RALYL: variants seen among roughly 807,000 people sequenced by gnomAD.
The protein encoded by RALYL is RALY RNA binding protein like, also known as RNA-binding Raly-like protein.
Under a neutral mutation model 35.1 loss-of-function variants are expected in RALYL, and 29 were observed. The observed-to-expected ratio is 0.83, with a 90% confidence interval of 0.61 to 1.13. The LOEUF (loss-of-function observed/expected upper bound fraction) is 1.13. Ranked by LOEUF, RALYL falls within the 50% of genes most tolerant of loss-of-function variation. The pLI, the probability that RALYL is intolerant of heterozygous loss-of-function variation, is 0.00. For synonymous variants in RALYL, 120 were observed against 127.6 expected, an observed-to-expected ratio of 0.94 and a Z score of 0.40; for missense variants, 359 against 360.4, an observed-to-expected ratio of 1.00 and a Z score of 0.03.
intron 1 of RALYL, among the ~76,000 whole-genome samples, chr8:84,516,173 C>T (rs1346113806): frequency 2.0e-5 from 3 of 151,928 alleles, no homozygotes; most frequent in Non-Finnish European, 4.4e-5. Flanking sequence ...TTAATGAACT[C>T]AGCAATAATT....
chr8:84,307,274 G>GT (rs2132460368), intron 1 of RALYL, among the ~76,000 whole-genome samples: 1 of 152,090 alleles, frequency 6.6e-6, no homozygotes, highest in East Asian at 1.9e-4. Flanking sequence ...CTTCACCCTG[G>GT]TTCATAGCAT....
intron 2 of RALYL, among the ~76,000 whole-genome samples, chr8:84,721,170 G>T (rs2132638000): frequency 6.6e-6 from 1 of 151,450 alleles, no homozygotes; most frequent in South Asian, 2.1e-4. Context: ...GAGTTCAAGG[G>T]AAGCCTGGGC....
intron 2 of RALYL, among the ~76,000 whole-genome samples, chr8:84,580,809 T>A (rs1472141704): frequency 5.9e-5 from 9 of 152,284 alleles, no homozygotes; most frequent in Non-Finnish European, 1.2e-4. Flanking sequence ...AAAATCACCA[T>A]TTTATTATGC....
In RALYL at chr8:84,183,338, T is replaced by G. The variant is rs1172957170; in HGVS notation, c.-1110T>G. On this transcript the variant is annotated 5_prime_UTR_variant, in exon 1 of 9. Coordinates refer to ENST00000521268, the MANE Select transcript of RALYL (RefSeq NM_173848.7). ...GCTGCCGCCACTGGTGTTGCCGCTC[T>G]CAGGCGCCAGGCTCCCCGTCGCCGC... 2.6e-5 allele frequency: 4 copies of G among 154,380 alleles called. No individual in the cohort carries two copies. Among genetic ancestry groups the G allele is most frequent in the Non-Finnish European group, 4.3e-5 (3 of 69,192 alleles). 9.6% of individuals were successfully genotyped at this position (154,380 alleles called of 1,614,324 possible). A position where few individuals can be genotyped will look rare whatever the true frequency, so the allele number is the denominator to read the frequency against.
chr8:84,209,464 G>A lies in RALYL; in HGVS notation c.-24+25040G>A, dbSNP rs147788263. ...TTCCTTTTGTTGGAAAGAAAATGGG[G>A]ATGGGAACATCTAACTCTAATTGTT... On this transcript the variant is annotated intron_variant, in intron 1 of 8. Coordinates refer to ENST00000521268, the MANE Select transcript of RALYL (RefSeq NM_173848.7). 1.2e-3 allele frequency among the ~76,000 whole-genome samples: 176 copies of A among 152,296 alleles called. 1 individual carries two copies. The highest frequency in any genetic ancestry group is 3.4e-3 in the Middle Eastern group (1 of 294).
intron 1 of RALYL, among the ~76,000 whole-genome samples, chr8:84,512,315 G>A (rs1342925788): frequency 2.6e-5 from 4 of 151,738 alleles, no homozygotes; most frequent in Admixed American, 2.6e-4. Flanking sequence ...GATGTTGAAT[G>A]TTTTTCATAT....
chr8:84,794,985 C>T (rs924852148), intron 3 of RALYL, among the ~76,000 whole-genome samples: 2 of 152,208 alleles, frequency 1.3e-5, no homozygotes, highest in East Asian at 1.9e-4. Flanking sequence ...ATCCATTAAC[C>T]TGTCCCTGGA....
chr8:84,562,279 G>A (rs1437401089), intron 2 of RALYL, among the ~76,000 whole-genome samples: 1 of 151,876 alleles, frequency 6.6e-6, no homozygotes, highest in Non-Finnish European at 1.5e-5. Context: ...CATAAAGAGA[G>A]TGAACTGTAG....
At chr8:84,279,936 G>A (rs1353917953) in intron 1 of RALYL, among the ~76,000 whole-genome samples, 2 of 152,144 alleles carry the variant, frequency 1.3e-5, no homozygotes, top group African/African-American at 4.8e-5. Flanking sequence ...GGTTCTTGGG[G>A]TGAGGATGTG....
chr8:84,835,567 C>A (rs1474625967), intron 4 of RALYL, among the ~76,000 whole-genome samples: 1 of 148,328 alleles, frequency 6.7e-6, no homozygotes, highest in African/African-American at 2.5e-5. Context: ...CCTGTAATCC[C>A]AGCTACTCGG....
At chr8:84,907,650 T>G (rs145015717) in intron 8 of RALYL, among the ~76,000 whole-genome samples, 219 of 152,206 alleles carry the variant, frequency 1.4e-3, no homozygotes, top group African/African-American at 5.1e-3. Flanking sequence ...TCCACAAATT[T>G]TATTAATTTT....
At chr8:84,728,003 T>A (rs1333646377) in intron 2 of RALYL, among the ~76,000 whole-genome samples, 1 of 151,892 alleles carries the variant, frequency 6.6e-6, no homozygotes, top group African/African-American at 2.4e-5. Flanking sequence ...ATGGGATGGC[T>A]GGGTCAAATG....
At chr8:84,615,516 T>C in intron 2 of RALYL, among the ~76,000 whole-genome samples, 1 of 149,138 alleles carries the variant, frequency 6.7e-6, no homozygotes, top group Non-Finnish European at 1.5e-5. Context: ...TTAAACAGTG[T>C]ACTACAAATA....
At chr8:84,466,514 G>C (rs917849110) in intron 1 of RALYL, among the ~76,000 whole-genome samples, 2 of 151,508 alleles carry the variant, frequency 1.3e-5, no homozygotes, top group African/African-American at 4.9e-5. Flanking sequence ...TGGTGGATAA[G>C]CTTTTTGATG....
chr8:84,810,056 T>C (rs1010592112), intron 4 of RALYL, among the ~76,000 whole-genome samples: 4 of 152,154 alleles, frequency 2.6e-5, no homozygotes, highest in African/African-American at 9.7e-5. Context: ...GTTTCTCTAG[T>C]TCCTTGAGAT....
chr8:84,195,828 G>A (rs1218775376), intron 1 of RALYL, among the ~76,000 whole-genome samples: 1 of 152,158 alleles, frequency 6.6e-6, no homozygotes, highest in African/African-American at 2.4e-5. Context: ...AAAAAAAACT[G>A]GAAGATGAAA....
chr8:84,552,484 C>T (rs1013671342), intron 2 of RALYL, among the ~76,000 whole-genome samples: 10 of 144,400 alleles, frequency 6.9e-5, no homozygotes, highest in Admixed American at 6.4e-4. Flanking sequence ...CACTCATATA[C>T]ACACTTATTG....
At chr8:84,634,186 C>T (rs1311870705) in intron 2 of RALYL, among the ~76,000 whole-genome samples, 1 of 151,814 alleles carries the variant, frequency 6.6e-6, no homozygotes, top group Non-Finnish European at 1.5e-5. Context: ...CACATTATAA[C>T]ATGCTCTAGT....
intron 4 of RALYL, among the ~76,000 whole-genome samples, chr8:84,836,448 C>T (rs1586656449): frequency 6.6e-6 from 1 of 152,292 alleles, no homozygotes; most frequent in African/African-American, 2.4e-5. Context: ...TAGGTTTCTC[C>T]TCACTTTCTC....
Sources: allele counts gnomAD v4.1 joint callset (sites outside exome capture counted in the v4.1 genomes callset), GRCh38; gene constraint gnomAD v4.1.1; transcripts MANE v1.5; gene names NCBI Gene and HGNC (gene_info 2026-07-23, HGNC 2026-07-21).